RPS6KA2: variants seen among roughly 807,000 people sequenced by gnomAD.
RPS6KA2 encodes ribosomal protein S6 kinase alpha-2.
RPS6KA2 carries 42 observed loss-of-function variants against 91.8 expected under a neutral mutation model. The ratio of observed to expected loss-of-function variants is 0.46; its 90% CI spans 0.36 to 0.59. The LOEUF (loss-of-function observed/expected upper bound fraction) is 0.59. RPS6KA2 is among the 20% of genes least tolerant of loss of function. The pLI is 0.00. For missense variants in RPS6KA2, 798 were observed against 978.5 expected (o/e 0.82, Z 2.46); for synonymous variants, 414 against 393.6 (o/e 1.05, Z -0.61).
rs1784408835 is a variant in RPS6KA2 at position 166,563,612 on chromosome 6, GCCAGAGGGAGCCAAGA to G, written c.100-24844_100-24829del. The stretch of plus-strand genomic sequence containing the variant: ...CCACACAGGGTAGCCCCCAACTCCA[GCCAGAGGGAGCCAAGA>G]CCTCCCACCCCAGGCAGATCTTGTG... On this transcript the variant is annotated intron_variant, in intron 1 of 20. Transcript: ENST00000265678. The surrounding 1 kb of genome is among the most constrained non-coding windows in gnomAD (Gnocchi z 4.1). Among the ~76,000 whole-genome samples, 1 of 142,884 alleles carries G rather than the reference GCCAGAGGGAGCCAAGA, an allele frequency of 7.0e-6. No individual in the cohort carries two copies. The highest frequency in any genetic ancestry group is 2.4e-4 in the East Asian group (1 of 4,210). The allele number at this position is 142,884 out of a possible 152,430, so 93.7% of individuals were successfully genotyped here.
At position 166,419,863 on chromosome 6, in the gene RPS6KA2, G is replaced by A; in HGVS notation, c.1820+19C>T. 3 of 1,608,494 alleles carry A rather than the reference G, an allele frequency of 1.9e-6. No homozygotes were observed. Among genetic ancestry groups the A allele is most frequent in the Non-Finnish European group, 2.6e-6 (3 of 1,175,058 alleles). ...TGCCCTGTGTCTCCTCCTGACACCT[G>A]TTTGAGGTGACTGCTTACCCTGCCA... On this transcript the variant is annotated intron_variant, in intron 18 of 20. Transcript: ENST00000265678. The surrounding 1 kb of genome is among the most constrained non-coding windows in gnomAD (Gnocchi z 5.6).
chr6:166,606,285 C>T (rs763564616), intron 1 of RPS6KA2, among the ~76,000 whole-genome samples: 58 of 152,338 alleles, frequency 3.8e-4, no homozygotes, highest in Non-Finnish European at 7.5e-4. Flanking sequence ...AACACGCTCA[C>T]CTGTGCACCA....
intron 1 of RPS6KA2, among the ~76,000 whole-genome samples, chr6:166,594,488 A>G (rs899572632): frequency 3.3e-5 from 5 of 151,860 alleles, no homozygotes; most frequent in African/African-American, 1.2e-4. Context: ...TTTGAGACGG[A>G]GTCTCGCTCT....
At chr6:166,645,909 C>G (rs139822497) in intron 2 of RPS6KA2, among the ~76,000 whole-genome samples, 89 of 152,332 alleles carry the variant, frequency 5.8e-4, no homozygotes, top group African/African-American at 2.0e-3. Flanking sequence ...AGAAGGTGAA[C>G]TAAAGGATGC....
chr6:166,500,833 A>G lies in RPS6KA2; in HGVS notation c.604+54T>C. 6.5e-7 allele frequency: 1 copy of G among 1,540,244 alleles called. No individual in the cohort carries two copies. On this transcript the variant is annotated intron_variant, in intron 7 of 20. Transcript: ENST00000265678. This position sits in a 1 kb window ranked among gnomAD's most constrained non-coding sequence, Gnocchi z 4.3. ...GGCTTGGGCTTTGAGGTGGTCCCCA[A>G]AGGTACCAGGGCTGAGATGAAGCCA... is the stretch of plus-strand genomic sequence containing the variant.
Position 166,500,901 on chromosome 6 carries a change from T to C in RPS6KA2, c.590A>G (p.His197Arg), listed in dbSNP as rs919966866. The C allele has an allele frequency of 6.2e-7, 1 of 1,614,038 alleles. No individual in the cohort carries two copies. Among genetic ancestry groups the C allele is most frequent in the Non-Finnish European group, 8.5e-7 (1 of 1,179,940 alleles). ...CTTTTACAAACCTGTGATCTTAATG[T>C]GCCCCTCTTCATCCAGGAGGATGCT... ...PENILLDEEG[H>R]IKITDFGLSK... is the part of the protein sequence containing the mutation. Residue 197 changes from histidine (H) to arginine (R), a missense_variant, in exon 7 of 21, where the codon CAC becomes CGC. Transcript: ENST00000265678. This position sits in a 1 kb window ranked among gnomAD's most constrained non-coding sequence, Gnocchi z 4.3.
chr6:166,620,463 G>A (rs938894937), intron 1 of RPS6KA2, among the ~76,000 whole-genome samples: 1 of 152,202 alleles, frequency 6.6e-6, no homozygotes. Context: ...TGTTTTCCAA[G>A]AGGGGCTATT....
chr6:166,854,200 T>C (rs983318708), intron 2 of RPS6KA2, among the ~76,000 whole-genome samples: 1 of 152,196 alleles, frequency 6.6e-6, no homozygotes, highest in African/African-American at 2.4e-5. Flanking sequence ...CAATGGTGAA[T>C]AAAGGTGTAT....
At position 166,741,853 on chromosome 6, in the gene RPS6KA2, G is replaced by A. The variant is rs527786459; in HGVS notation, c.123+116347C>T. Among the ~76,000 whole-genome samples, 5 of 152,348 alleles carry A rather than the reference G, an allele frequency of 3.3e-5. No individual in the cohort carries two copies. In the East Asian group the frequency reaches 5.8e-4, roughly 18 times the overall value. ...TGCCTCAAGAAAGGCCAGGCCGGGCGCAGTGGCTCGCACCTGTAATCCCAG... is the reference window on the plus strand; with the variant it reads ...TGCCTCAAGAAAGGCCAGGCCGGGCACAGTGGCTCGCACCTGTAATCCCAG... On this transcript the variant is annotated intron_variant, in intron 2 of 21. Coordinates refer to the RPS6KA2 transcript ENST00000503859.
intron 1 of RPS6KA2, among the ~76,000 whole-genome samples, chr6:166,550,994 C>CAAAAAAAGAAAAAAAAAAA (rs71554314): frequency 9.4e-6 from 1 of 106,380 alleles, no homozygotes; most frequent in African/African-American, 3.0e-5. Flanking sequence ...GACTCTATCT[C>CAAAAAAAGAAAAAAAAAAA]AAAAAAAAAA....
chr6:166,630,492 G>C (rs16899265), upstream of RPS6KA2, among the ~76,000 whole-genome samples: 44,908 of 152,212 alleles, frequency 0.3, 6,733 homozygotes, highest in East Asian at 0.42. Context: ...TTTGCCATGG[G>C]AGGTGAATTC....
rs1474320007 is a variant in RPS6KA2 at position 166,412,882 on chromosome 6, C to A, written c.2082G>T (p.Ala694=). The change falls in exon 21 of 21, where the codon GCG becomes GCT. Residue 694 remains alanine, a synonymous_variant. Coordinates refer to ENST00000265678, the MANE Select transcript of RPS6KA2 (RefSeq NM_021135.6). The surrounding 1 kb of genome is among the most constrained non-coding windows in gnomAD (Gnocchi z 4.3). ...SRQDVHLVKG[A]MAATYFALNR... is the part of the protein sequence containing the mutation. Reference sequence around the variant, plus strand: ...TTAGAGCAAAGTAGGTGGCGGCCATCGCGCCCTGCAAAACAGAAGACAAGG... The same window carrying A: ...TTAGAGCAAAGTAGGTGGCGGCCATAGCGCCCTGCAAAACAGAAGACAAGG... 6.4e-7 allele frequency: 1 copy of A among 1,553,852 alleles called. No homozygotes were observed. The highest frequency in any genetic ancestry group is 1.4e-5 in the African/African-American group (1 of 73,558).
chr6:166,515,704 C>A (rs929218470), intron 3 of RPS6KA2, among the ~76,000 whole-genome samples: 1 of 152,142 alleles, frequency 6.6e-6, no homozygotes, highest in Non-Finnish European at 1.5e-5. Flanking sequence ...GAAAATGTTA[C>A]AAAGAATGTC....
intron 2 of RPS6KA2, among the ~76,000 whole-genome samples, chr6:166,846,342 C>T (rs1368474066): frequency 1.3e-5 from 2 of 152,088 alleles, no homozygotes; most frequent in Non-Finnish European, 2.9e-5. Flanking sequence ...AGGAGGGAAT[C>T]CTTCTTAAAT....
chr6:166,625,294 T>C (rs1583339811), intron 1 of RPS6KA2, among the ~76,000 whole-genome samples: 1 of 150,856 alleles, frequency 6.6e-6, no homozygotes, highest in African/African-American at 2.5e-5. Context: ...TATTTCTACA[T>C]GGAAGAAACC....
intron 2 of RPS6KA2, among the ~76,000 whole-genome samples, chr6:166,680,481 C>T (rs947447738): frequency 6.6e-6 from 1 of 151,996 alleles, no homozygotes; most frequent in Non-Finnish European, 1.5e-5. Flanking sequence ...TTTTTTTGCT[C>T]TTTGTAGTAA....
At chr6:166,534,221 CAAAAAAAA>C (rs34585369) in intron 2 of RPS6KA2, among the ~76,000 whole-genome samples, 26 of 59,348 alleles carry the variant, frequency 4.4e-4, no homozygotes, top group East Asian at 1.5e-3. Flanking sequence ...GACTCTGTCT[CAAAAAAAA>C]AAAAAAAAAA....
At chr6:166,425,096 A>G (rs1349800166) in intron 16 of RPS6KA2, among the ~76,000 whole-genome samples, 3 of 152,210 alleles carry the variant, frequency 2.0e-5, no homozygotes, top group Non-Finnish European at 4.4e-5. Flanking sequence ...AGATGCTTAC[A>G]GCCTGGAGAA....
chr6:166,742,392 G>A (rs1444733015), intron 2 of RPS6KA2, among the ~76,000 whole-genome samples: 3 of 152,178 alleles, frequency 2.0e-5, no homozygotes, highest in Admixed American at 2.0e-4. Context: ...CTCCGGTGTG[G>A]GTCTCAGAGT....
Sources: gnomAD v4.1 joint callset for allele counts (sites outside exome capture counted in the v4.1 genomes callset) on GRCh38, gnomAD v4.1.1 for gene constraint, Gnocchi (gnomAD v3.1) non-coding constraint, MANE v1.5 for transcripts, NCBI Gene and HGNC (gene_info 2026-07-23, HGNC 2026-07-21) for gene names.